ZBBX: variants seen among roughly 807,000 people sequenced by gnomAD.
The protein encoded by ZBBX is zinc finger B-box domain containing.
Under a neutral mutation model 108.5 loss-of-function variants are expected in ZBBX, and 101 were observed. The ratio of observed to expected loss-of-function variants is 0.93; its 90% CI spans 0.79 to 1.10. ZBBX has a LOEUF of 1.10. Among genes scored for constraint, ZBBX ranks in the 50% least tolerant of loss-of-function variants. ZBBX has a pLI of 0.00. For synonymous variants in ZBBX, 356 were observed against 323.4 expected, an observed-to-expected ratio of 1.10 and a Z score of -1.08; for missense variants, 1,009 against 941.4, an observed-to-expected ratio of 1.07 and a Z score of -0.94.
At chr3:167,293,816 C>G (rs892534224) in intron 18 of ZBBX, among the ~76,000 whole-genome samples, 1 of 152,122 alleles carries the variant, frequency 6.6e-6, no homozygotes, top group Non-Finnish European at 1.5e-5. Context: ...CAGCCCAAAC[C>G]TCCTTAAGCT....
intron 17 of ZBBX, 101 bp from the exon 18 acceptor site, chr3:167,298,559 C>T: frequency 1.2e-6 from 1 of 847,096 alleles, no homozygotes; most frequent in South Asian, 3.4e-5. Flanking sequence ...ATACTTGGCA[C>T]AAATTCTTCC....
chr3:167,385,475 C>A (rs938293202), intron 1 of ZBBX, among the ~76,000 whole-genome samples: 16 of 151,968 alleles, frequency 1.1e-4, no homozygotes, highest in Non-Finnish European at 1.8e-4. Flanking sequence ...TTAGGCTACC[C>A]TAAATTTTTT....
At chr3:167,323,200 C>A (rs925151422) in intron 11 of ZBBX, among the ~76,000 whole-genome samples, 21 of 126,630 alleles carry the variant, frequency 1.7e-4, no homozygotes, top group African/African-American at 6.0e-4. Context: ...TCCCCCTTTT[C>A]ATTTTGAAAC....
intron 1 of ZBBX, among the ~76,000 whole-genome samples, chr3:167,401,844 C>A (rs143822487): frequency 6.6e-6 from 1 of 152,294 alleles, no homozygotes; most frequent in African/African-American, 2.4e-5. Context: ...GACGGAGTTG[C>A]TCTGGTTCAC....
intron 11 of ZBBX, among the ~76,000 whole-genome samples, chr3:167,324,351 C>T (rs2108339369): frequency 6.6e-6 from 1 of 151,932 alleles, no homozygotes; most frequent in East Asian, 1.9e-4. Context: ...CACTACATTG[C>T]CCAGGTTGGT....
intron 20 of ZBBX, among the ~76,000 whole-genome samples, chr3:167,244,652 A>G (rs1209085267): frequency 1.3e-5 from 2 of 152,230 alleles, no homozygotes; most frequent in African/African-American, 4.8e-5. Flanking sequence ...ATTGTAGGTT[A>G]GTGTTAAACT....
chr3:167,210,058 C>G, the ZBBX span, among the ~76,000 whole-genome samples: 39 of 151,386 alleles, frequency 2.6e-4, no homozygotes, highest in Non-Finnish European at 4.9e-4. Flanking sequence ...CCACTGCACT[C>G]CAGCCTAGGT....
At chr3:167,282,592 A>T in intron 19 of ZBBX, 97 bp from the exon 20 acceptor site, 1 of 1,025,676 alleles carries the variant, frequency 9.7e-7, no homozygotes, top group Non-Finnish European at 1.4e-6. Flanking sequence ...CAGAGAAGTT[A>T]AGTTCATGTA....
At chr3:167,402,885 T>C (rs77673588) in intron 1 of ZBBX, among the ~76,000 whole-genome samples, 2,891 of 151,044 alleles carry the variant, frequency 0.019, 52 homozygotes, top group South Asian at 0.087. Flanking sequence ...AAGTAAAGCA[T>C]AGAAAAAAAG....
intron 16 of ZBBX, among the ~76,000 whole-genome samples, chr3:167,313,238 T>C (rs570064677): frequency 6.6e-6 from 1 of 152,244 alleles, no homozygotes; most frequent in South Asian, 2.1e-4. Context: ...AGGGAACTAC[T>C]AGTAATAGCA....
chr3:167,309,866 A>G (rs753219588), intron 16 of ZBBX, among the ~76,000 whole-genome samples: 8 of 152,206 alleles, frequency 5.3e-5, no homozygotes, highest in Non-Finnish European at 8.8e-5. Flanking sequence ...TTTCTCCCCA[A>G]AGAATGGGTG....
intron 15 of ZBBX, 106 bp from the exon 16 acceptor site, chr3:167,314,222 A>C (rs1406109159): frequency 1.2e-6 from 1 of 854,434 alleles, no homozygotes; most frequent in Non-Finnish European, 1.7e-6. Flanking sequence ...AAACTTTAAT[A>C]GGGTTATTTA....
chr3:167,310,950 A>G (rs1734476286), intron 16 of ZBBX, among the ~76,000 whole-genome samples: 1 of 152,146 alleles, frequency 6.6e-6, no homozygotes, highest in Admixed American at 6.6e-5. Context: ...TGCAATCCCA[A>G]TCAAAATCCC....
Position 167,359,866 on chromosome 3 carries a change from A to T in ZBBX, c.432+4T>A, listed in dbSNP as rs1744225472. On this transcript the variant is annotated splice_donor_region_variant and intron_variant, in intron 8 of 21. Transcript: ENST00000675490. ...TATGTATATATACTATATAACGTAC[A>T]TACCAGTAGAGCAGCTTTGTTCTCA... 2 of 1,422,168 alleles carry T rather than the reference A, an allele frequency of 1.4e-6. No individual in the cohort carries two copies. The highest frequency in any genetic ancestry group is 1.9e-6 in the Non-Finnish European group (2 of 1,033,606). The allele number at this position is 1,422,168 out of a possible 1,614,324, so 88.1% of individuals were successfully genotyped here.
At chr3:167,331,997 C>T (rs1738716478) in intron 10 of ZBBX, among the ~76,000 whole-genome samples, 1 of 152,078 alleles carries the variant, frequency 6.6e-6, no homozygotes, top group Admixed American at 6.6e-5. Context: ...GCATTGGTAC[C>T]ATTTGGCTCT....
the ZBBX span, among the ~76,000 whole-genome samples, chr3:167,224,604 GT>G: frequency 6.6e-6 from 1 of 151,822 alleles, no homozygotes; most frequent in African/African-American, 2.4e-5. Context: ...AAGTAAATAC[GT>G]TTGGAAAACA....
At chr3:167,329,707 T>C (rs1324599336) in intron 10 of ZBBX, among the ~76,000 whole-genome samples, 1 of 152,142 alleles carries the variant, frequency 6.6e-6, no homozygotes, top group Non-Finnish European at 1.5e-5. Context: ...GCAGTTTGCA[T>C]TGATGTAGCA....
At chr3:167,223,808 G>A in the ZBBX span, among the ~76,000 whole-genome samples, 1 of 151,798 alleles carries the variant, frequency 6.6e-6, no homozygotes, top group Non-Finnish European at 1.5e-5. Flanking sequence ...CTTATTAAAG[G>A]TGTTCTTAGC....
intron 20 of ZBBX, among the ~76,000 whole-genome samples, chr3:167,277,794 A>C (rs1052006187): frequency 1.3e-5 from 2 of 152,210 alleles, no homozygotes; most frequent in African/African-American, 4.8e-5. Context: ...AACAGAATAT[A>C]CATTTTTTTC....
Sources: gnomAD v4.1 joint callset for allele counts (sites outside exome capture counted in the v4.1 genomes callset) on GRCh38, gnomAD v4.1.1 for gene constraint, MANE v1.5 for transcripts, NCBI Gene and HGNC (gene_info 2026-07-23, HGNC 2026-07-21) for gene names.